DMXL1: variants seen among roughly 807,000 people sequenced by gnomAD.
The protein encoded by DMXL1 is dmX-like protein 1.
In DMXL1, 99 loss-of-function variants were observed where a neutral mutation model predicts 319.2. The ratio of observed to expected loss-of-function variants is 0.31; its 90% CI spans 0.26 to 0.37. The LOEUF (loss-of-function observed/expected upper bound fraction) is 0.37, where lower values mean the gene tolerates loss of function less well. Among genes scored for constraint, DMXL1 ranks in the 10% least tolerant of loss-of-function variants. DMXL1 has a pLI of 1.00. For missense variants in DMXL1, 3,745 were observed against 3,595.6 expected, an observed-to-expected ratio of 1.04 and a Z score of -1.06; for synonymous variants, 1,385 against 1,235.2, an observed-to-expected ratio of 1.12 and a Z score of -2.54.
rs1484569259 is a variant in DMXL1, at chr5:119,152,578, C to T, written c.4702+542C>T. On this transcript the variant is annotated intron_variant, in intron 19 of 43. Transcript: ENST00000539542. ...CTGTATTTCAGATACTGTTAGTTCTCTTACTTTGAACTATCTTAGACTTTG... is the reference window on the plus strand; with the variant it reads ...CTGTATTTCAGATACTGTTAGTTCTTTTACTTTGAACTATCTTAGACTTTG... Among the ~76,000 whole-genome samples the T allele has an allele frequency of 2.0e-5, 3 of 152,192 alleles. No individual in the cohort carries two copies. In the South Asian group the frequency reaches 6.2e-4, roughly 32 times the overall value.
At chr5:119,191,311 C>T (rs1778658510) in intron 29 of DMXL1, among the ~76,000 whole-genome samples, 1 of 152,194 alleles carries the variant, frequency 6.6e-6, no homozygotes, top group Non-Finnish European at 1.5e-5. Flanking sequence ...CACAAATTGA[C>T]ATCTAACTGT....
rs1044799414 is a variant in DMXL1, at chr5:119,143,916, C to G, written c.2452C>G (p.Pro818Ala). The G allele has an allele frequency of 1.3e-6, 2 of 1,571,438 alleles. No homozygotes were observed. The highest frequency in any genetic ancestry group is 1.7e-6 in the Non-Finnish European group (2 of 1,160,010). The change falls in exon 14 of 44, where the codon CCC becomes GCC. Residue 818 changes from proline to alanine, a missense_variant. This residue lies in a region of DMXL1 where 2,096 missense variants were observed against 1,985.4 expected (regional missense o/e 1.06). Coordinates refer to ENST00000539542, the MANE Select transcript of DMXL1 (RefSeq NM_001290321.3). ...GCCAGGATGCATTATTGCATTAGAT[C>G]CCATTACCAAACTTGTAAGTATTAA... is the stretch of plus-strand genomic sequence containing the variant. ...ARPGCIIALD[P>A]ITKLHGRKTQ...
At chr5:119,101,837 A>G (rs1757344551) in intron 2 of DMXL1, 98 bp from the exon 3 acceptor site, 2 of 761,260 alleles carry the variant, frequency 2.6e-6, no homozygotes, top group Admixed American at 2.8e-5. Context: ...AATTGTGTGT[A>G]TTGGCATATT....
At chr5:119,218,533 T>C (rs1274649674) in intron 35 of DMXL1, among the ~76,000 whole-genome samples, 1 of 152,192 alleles carries the variant, frequency 6.6e-6, no homozygotes, top group Non-Finnish European at 1.5e-5. Context: ...CTTGGCTTAC[T>C]GCAACCTCTG....
At chr5:119,160,080 T>C (rs368644864) in intron 19 of DMXL1, among the ~76,000 whole-genome samples, 279 of 152,270 alleles carry the variant, frequency 1.8e-3, no homozygotes, top group African/African-American at 6.4e-3. Flanking sequence ...AACTTTGGGC[T>C]GAGTTTCTTC....
In DMXL1 at chr5:119,133,899, AATGC is replaced by A; in HGVS notation, c.1978_1981del (p.Ala660Ter). Reference sequence around the variant, plus strand: ...ATTATTGCTGACAACATCACACCATAATGCATTAAGGACACCAGATGTTGATAAC... The same window carrying A: ...ATTATTGCTGACAACATCACACCATAATTAAGGACACCAGATGTTGATAAC... On this transcript the variant is annotated frameshift_variant, in exon 12 of 44. Coordinates refer to ENST00000539542, the MANE Select transcript of DMXL1 (RefSeq NM_001290321.3). LOFTEE classifies it high-confidence loss of function. 2 of 1,614,114 alleles carry A rather than the reference AATGC, an allele frequency of 1.2e-6. No homozygotes were observed. Among genetic ancestry groups the A allele is most frequent in the Non-Finnish European group, 1.7e-6 (2 of 1,180,024 alleles).
intron 23 of DMXL1, among the ~76,000 whole-genome samples, chr5:119,169,340 G>A (rs533975983): frequency 4.7e-4 from 72 of 152,276 alleles, no homozygotes; most frequent in African/African-American, 1.7e-3. Context: ...TGGAATGGAG[G>A]CAGAGAGATG....
chr5:119,224,538 A>G (rs1561915286), intron 37 of DMXL1, among the ~76,000 whole-genome samples, 171 bp from the exon 38 acceptor site: 1 of 152,034 alleles, frequency 6.6e-6, no homozygotes, highest in Non-Finnish European at 1.5e-5. Context: ...TGCAAATATA[A>G]GAGCTGCACT....
intron 6 of DMXL1, among the ~76,000 whole-genome samples, chr5:119,115,948 C>T (rs1337355120): frequency 1.3e-5 from 2 of 152,132 alleles, no homozygotes; most frequent in Non-Finnish European, 2.9e-5. Context: ...ACACAGAATA[C>T]ACACATTCAC....
rs1776142269 is a variant in DMXL1 at position 119,178,069 on chromosome 5, T to C, written c.6960T>C (p.Cys2320=). ...AGTCAGGGCTTACAGTCTTGCTCTG[T>C]GAGATTCTCACAGCAGTGTATCTTA... ...EAQSGLTVLL[C]EILTAVYLSL... Residue 2320 remains cysteine (C), a synonymous_variant, in exon 28 of 44, where the codon TGT becomes TGC. Coordinates refer to ENST00000539542, the MANE Select transcript of DMXL1 (RefSeq NM_001290321.3). 1 of 1,606,794 alleles carries C rather than the reference T, an allele frequency of 6.2e-7. No individual in the cohort carries two copies. Among genetic ancestry groups the C allele is most frequent in the Non-Finnish European group, 8.5e-7 (1 of 1,173,424 alleles).
Position 119,206,887 on chromosome 5 carries a change from C to A in DMXL1, c.7917C>A (p.Asn2639Lys). ...AAAATTCTATGATGGAGGAGCCAAA[C>A]ATCAATAAGGTACAAAATATCATTC... is the stretch of plus-strand genomic sequence containing the variant. ...TIKNSMMEEP[N>K]INKIEADLGY... The change falls in exon 34 of 44, where the codon AAC becomes AAA. Residue 2639 changes from asparagine (N) to lysine (K), a missense_variant. By Grantham distance (94) the Asn-to-Lys change is moderately conservative (BLOSUM62 0). Around this residue, in one of 4 missense-constraint regions of DMXL1, gnomAD observed 1,382 missense variants for 1,269.5 expected, o/e 1.09. Transcript: ENST00000539542. 1 of 1,520,292 alleles carries A rather than the reference C, an allele frequency of 6.6e-7. No homozygotes were observed. The highest frequency in any genetic ancestry group is 8.8e-7 in the Non-Finnish European group (1 of 1,134,418). 94.2% of individuals were successfully genotyped at this position (1,520,292 alleles called of 1,614,324 possible).
chr5:119,204,586 A>G (rs1181699126), intron 33 of DMXL1, among the ~76,000 whole-genome samples: 3 of 135,406 alleles, frequency 2.2e-5, no homozygotes, highest in Non-Finnish European at 3.1e-5. Flanking sequence ...CATTTAGTTT[A>G]GTGCTAGTAA....
At position 119,076,177 on chromosome 5, in the gene DMXL1, T is replaced by C. The variant is rs138789408; in HGVS notation, c.87+4521T>C. The stretch of plus-strand genomic sequence containing the variant: ...AAGCAAATATGTTATAGCTCCAATT[T>C]CCCTTTAGTATTAGAAAACTCAGTG... On this transcript the variant is annotated intron_variant, in intron 1 of 43. Transcript: ENST00000539542. 2.2e-4 allele frequency among the ~76,000 whole-genome samples: 34 copies of C among 152,286 alleles called. 1 individual carries two copies. Among genetic ancestry groups the C allele is most frequent in the African/African-American group, 7.7e-4 (32 of 41,548 alleles).
At chr5:119,135,038 G>A (rs545322449) in intron 13 of DMXL1, among the ~76,000 whole-genome samples, 12 of 152,152 alleles carry the variant, frequency 7.9e-5, no homozygotes, top group Non-Finnish European at 1.5e-4. Context: ...GTTAATGCTC[G>A]GCTTACAGAG....
In DMXL1 at chr5:119,150,170, A is replaced by C. The variant is rs1769447880; in HGVS notation, c.4343A>C (p.Gln1448Pro). 1 of 1,613,722 alleles carries C rather than the reference A, an allele frequency of 6.2e-7. No individual in the cohort carries two copies. Among genetic ancestry groups the C allele is most frequent in the African/African-American group, 1.3e-5 (1 of 74,902 alleles). Residue 1448 changes from glutamine (Q) to proline (P), a missense_variant, in exon 18 of 44, where the codon CAG becomes CCG. Gln to Pro is a moderately conservative substitution (Grantham distance 76). This residue lies in a region of DMXL1 where 2,096 missense variants were observed against 1,985.4 expected (regional missense o/e 1.06). Coordinates refer to ENST00000539542, the MANE Select transcript of DMXL1 (RefSeq NM_001290321.3). ...AAAGAAAGTTATGATGAGCTTTTTC[A>C]GACTCAACTTCTAATGACTGATACT... ...LSKESYDELF[Q>P]TQLLMTDTHM...
intron 3 of DMXL1, among the ~76,000 whole-genome samples, chr5:119,103,807 T>A (rs918732047): frequency 3.9e-5 from 6 of 152,198 alleles, no homozygotes; most frequent in Non-Finnish European, 1.5e-5. Flanking sequence ...AAGTAGCTTT[T>A]GAAAATCAGT....
intron 1 of DMXL1, among the ~76,000 whole-genome samples, chr5:119,072,747 G>C (rs1462300668): frequency 6.6e-6 from 1 of 152,164 alleles, no homozygotes; most frequent in Admixed American, 6.6e-5. Flanking sequence ...ATTGTGCCAA[G>C]AAGCATTTTG....
chr5:119,138,373 G>T (rs1242224627), intron 13 of DMXL1, among the ~76,000 whole-genome samples: 1 of 152,170 alleles, frequency 6.6e-6, no homozygotes, highest in Admixed American at 6.5e-5. Context: ...TCAAGAGTCT[G>T]GCTTTGGTCA....
At chr5:119,092,327 C>T (rs1439617769) in intron 1 of DMXL1, among the ~76,000 whole-genome samples, 1 of 151,446 alleles carries the variant, frequency 6.6e-6, no homozygotes, top group Admixed American at 6.6e-5. Flanking sequence ...GCTGTGTTGC[C>T]CAGGCTGATC....
Sources: allele counts gnomAD v4.1 joint callset (sites outside exome capture counted in the v4.1 genomes callset), GRCh38; gene constraint gnomAD v4.1.1; regional missense constraint gnomAD v4.1.1; transcripts MANE v1.5; gene names NCBI Gene and HGNC (gene_info 2026-07-23, HGNC 2026-07-21).